PI4KB: variants seen among roughly 807,000 people sequenced by gnomAD.
PI4KB encodes PtdIns 4-kinase beta.
A neutral mutation model predicts 81.4 loss-of-function variants in PI4KB; 23 were observed. That is an observed-to-expected ratio of 0.28 (90% confidence interval 0.20 to 0.40). The LOEUF is 0.40. Among genes scored for constraint, PI4KB ranks in the 10% least tolerant of loss-of-function variants. PI4KB has a pLI of 1.00. For missense variants in PI4KB, 651 were observed against 1,036.6 expected, an observed-to-expected ratio of 0.63 and a Z score of 5.11; for synonymous variants, 381 against 406.8, an observed-to-expected ratio of 0.94 and a Z score of 0.76.
intron 2 of PI4KB, 110 bp from the exon 3 acceptor site, chr1:151,310,365 A>C (rs1752388): frequency 0.12 from 84,104 of 695,636 alleles, 5,494 homozygotes; most frequent in Middle Eastern, 0.18. Context: ...TTCTCTAGTG[A>C]AGTTCTACCT....
At chr1:151,301,430 T>C (rs1408957679) in intron 8 of PI4KB, among the ~76,000 whole-genome samples, 2 of 151,556 alleles carry the variant, frequency 1.3e-5, no homozygotes, top group African/African-American at 2.4e-5. Context: ...CGGAGTCTCG[T>C]TCTGTCGCCC....
chr1:151,321,032 A>G (rs1648773333), intron 1 of PI4KB, among the ~76,000 whole-genome samples: 1 of 152,260 alleles, frequency 6.6e-6, no homozygotes. Context: ...AGGAAGGCAA[A>G]TAAGGATACT....
chr1:151,323,711 G>A (rs753446876), intron 1 of PI4KB, among the ~76,000 whole-genome samples: 9 of 152,140 alleles, frequency 5.9e-5, no homozygotes, highest in Non-Finnish European at 1.0e-4. Flanking sequence ...GCGACAGAAC[G>A]AGACTCCATC....
chr1:151,296,039 A>G (rs1694761129), intron 9 of PI4KB, among the ~76,000 whole-genome samples: 1 of 152,182 alleles, frequency 6.6e-6, no homozygotes, highest in Non-Finnish European at 1.5e-5. Flanking sequence ...TGAGGTCAGG[A>G]GTTTGAGACC....
At chr1:151,293,161 G>T in intron 11 of PI4KB, 128 bp from the exon 12 acceptor site, 3 of 1,499,570 alleles carry the variant, frequency 2.0e-6, no homozygotes, top group East Asian at 2.3e-5. Context: ...TGATGATGTG[G>T]GTGCAGTTCT....
intron 1 of PI4KB, chr1:151,326,031 TG>T: frequency 1.2e-6 from 1 of 835,756 alleles, no homozygotes; most frequent in Non-Finnish European, 2.0e-6. Flanking sequence ...TGAATTCTTA[TG>T]GAACCAACCA....
At chr1:151,323,000 G>T (rs958337830) in intron 1 of PI4KB, among the ~76,000 whole-genome samples, 10 of 152,106 alleles carry the variant, frequency 6.6e-5, no homozygotes, top group African/African-American at 2.4e-4. Context: ...GGAAAAACGG[G>T]TAAGGAAACC....
At chr1:151,310,343 G>T in intron 2 of PI4KB, 88 bp from the exon 3 acceptor site, 1 of 821,482 alleles carries the variant, frequency 1.2e-6, no homozygotes, top group African/African-American at 1.7e-5. Flanking sequence ...CTCCAACTTG[G>T]ATCGTAACTG....
intron 5 of PI4KB, among the ~76,000 whole-genome samples, chr1:151,304,112 ATCTTC>A (rs1695530088): frequency 6.6e-6 from 1 of 152,118 alleles, no homozygotes; most frequent in African/African-American, 2.4e-5. Context: ...ATTCAATCTT[ATCTTC>A]TCATCTCTCT....
At chr1:151,301,990 T>C in intron 7 of PI4KB, 23 bp from the exon 8 acceptor site, 1 of 1,612,692 alleles carries the variant, frequency 6.2e-7, no homozygotes, top group Non-Finnish European at 8.5e-7. Flanking sequence ...AAGTAAAGGG[T>C]GTCAAAGGTT....
intron 5 of PI4KB, 90 bp from the exon 6 acceptor site, chr1:151,303,740 C>A: frequency 1.2e-6 from 1 of 842,478 alleles, no homozygotes; most frequent in South Asian, 1.3e-5. Flanking sequence ...GCAGCATGCT[C>A]ATCCCTCTCT....
At chr1:151,307,550 G>A in intron 4 of PI4KB, 24 bp downstream of exon 4, 2 of 1,521,782 alleles carry the variant, frequency 1.3e-6, no homozygotes, top group Non-Finnish European at 9.1e-7. Context: ...TCCAGGGTAG[G>A]GGTTTGGGCC....
intron 1 of PI4KB, among the ~76,000 whole-genome samples, chr1:151,317,048 A>G (rs910047106): frequency 6.6e-6 from 1 of 151,754 alleles, no homozygotes; most frequent in African/African-American, 2.4e-5. Flanking sequence ...GATGGTCTCC[A>G]TCTCCCAACC....
chr1:151,302,715 C>G (rs917112321), intron 6 of PI4KB, among the ~76,000 whole-genome samples: 6 of 150,508 alleles, frequency 4.0e-5, no homozygotes, highest in Non-Finnish European at 8.9e-5. Flanking sequence ...GTAGCTGGGA[C>G]TACAGGCGCC....
intron 1 of PI4KB, among the ~76,000 whole-genome samples, chr1:151,317,474 G>A (rs749023329): frequency 3.9e-5 from 6 of 151,908 alleles, no homozygotes; most frequent in African/African-American, 7.3e-5. Context: ...GTGCCTCCAT[G>A]CCTGGTTAAT....
At chr1:151,305,987 C>T (rs1273789949) in intron 5 of PI4KB, 149 bp downstream of exon 5, 1 of 615,518 alleles carries the variant, frequency 1.6e-6, no homozygotes, top group Non-Finnish European at 2.9e-6. Flanking sequence ...TTGTTCAGAG[C>T]TTTCCCCATA....
intron 1 of PI4KB, among the ~76,000 whole-genome samples, chr1:151,319,725 G>C (rs1648565958): frequency 1.3e-5 from 2 of 152,324 alleles, no homozygotes; most frequent in South Asian, 2.1e-4. Flanking sequence ...AATTTCATCA[G>C]ATCAACCTGG....
At chr1:151,310,997 T>TG (rs1696173621) in intron 2 of PI4KB, among the ~76,000 whole-genome samples, 1 of 152,190 alleles carries the variant, frequency 6.6e-6, no homozygotes. Flanking sequence ...TGATATAAGT[T>TG]GGGGAGTTAG....
rs587604343 is a variant in PI4KB at position 151,296,637 on chromosome 1, A to G, written c.2016-2096T>C. ...AGGCGCCCGCCACCACACCCAGCTA[A>G]TTTTTTATTTTTAGTAGAGATGGGG... is the stretch of plus-strand genomic sequence containing the variant. On this transcript the variant is annotated intron_variant, in intron 9 of 11. Transcript: ENST00000368873. Among the ~76,000 whole-genome samples, 222 of 151,798 alleles carry G rather than the reference A, an allele frequency of 1.5e-3. 1 individual carries two copies. Among genetic ancestry groups the G allele is most frequent in the African/African-American group, 5.0e-3 (206 of 41,386 alleles).
Sources: gnomAD v4.1 joint callset for allele counts (sites outside exome capture counted in the v4.1 genomes callset) on GRCh38, gnomAD v4.1.1 for gene constraint, MANE v1.5 for transcripts, NCBI Gene and HGNC (gene_info 2026-07-23, HGNC 2026-07-21) for gene names.